SPECC1: variants seen among roughly 807,000 people sequenced by gnomAD.
SPECC1 encodes cytospin-B.
Under a neutral mutation model 104.1 loss-of-function variants are expected in SPECC1, and 62 were observed. The observed-to-expected ratio is 0.60, with a 90% CI of 0.49 to 0.74. SPECC1 has a LOEUF of 0.74. Ranked by LOEUF, SPECC1 falls within the 30% of genes least tolerant of loss-of-function variation. The pLI is 0.00. For synonymous variants in SPECC1, 513 were observed against 501.6 expected (o/e 1.02, Z -0.30); for missense variants, 1,306 against 1,310.5 (o/e 1.00, Z 0.05).
At chr17:20,018,934 G>A (rs1387667734) in intron 1 of SPECC1, among the ~76,000 whole-genome samples, 1 of 152,168 alleles carries the variant, frequency 6.6e-6, no homozygotes, top group Non-Finnish European at 1.5e-5. Context: ...CACGCTACCT[G>A]AAGAAAAGCA....
intron 3 of SPECC1, among the ~76,000 whole-genome samples, chr17:20,150,002 T>C (rs1219476680): frequency 6.6e-6 from 1 of 152,096 alleles, no homozygotes; most frequent in South Asian, 2.1e-4. Context: ...AGATGGAGTC[T>C]CACTCTGTCT....
At chr17:20,232,072 G>A (rs2038617583) in intron 6 of SPECC1, 128 bp from the exon 7 acceptor site, 1 of 1,126,042 alleles carries the variant, frequency 8.9e-7, no homozygotes. Context: ...GAGCCACCGT[G>A]TAAGCAGGGC....
intron 13 of SPECC1, among the ~76,000 whole-genome samples, chr17:20,300,511 C>T (rs1008114159): frequency 7.9e-5 from 12 of 152,250 alleles, no homozygotes; most frequent in Non-Finnish European, 1.0e-4. Flanking sequence ...AGTGTGTGTG[C>T]GTCACTCCCT....
chr17:20,039,946 A>C (rs1042041292), intron 1 of SPECC1, among the ~76,000 whole-genome samples: 2 of 152,160 alleles, frequency 1.3e-5, no homozygotes, highest in Non-Finnish European at 2.9e-5. Context: ...CATTTATGTA[A>C]TTATTGATAA....
At chr17:20,049,492 T>G (rs2045660630) in intron 1 of SPECC1, among the ~76,000 whole-genome samples, 1 of 152,220 alleles carries the variant, frequency 6.6e-6, no homozygotes, top group Non-Finnish European at 1.5e-5. Context: ...GAACTACCTG[T>G]TCATTACCTG....
At chr17:20,099,492 G>A (rs867921284) in intron 2 of SPECC1, among the ~76,000 whole-genome samples, 9 of 129,664 alleles carry the variant, frequency 6.9e-5, no homozygotes, top group Middle Eastern at 4.7e-3. Flanking sequence ...GACCAACATG[G>A]TGAAATCCTG....
chr17:20,281,473 G>A (rs575778727), intron 12 of SPECC1, among the ~76,000 whole-genome samples: 6 of 152,126 alleles, frequency 3.9e-5, no homozygotes, highest in Non-Finnish European at 7.4e-5. Flanking sequence ...GCTTCCCTGC[G>A]GTGTACTCCT....
At chr17:20,153,732 G>A (rs983763541) in intron 3 of SPECC1, among the ~76,000 whole-genome samples, 1 of 152,208 alleles carries the variant, frequency 6.6e-6, no homozygotes, top group Non-Finnish European at 1.5e-5. Flanking sequence ...TTGACTCATT[G>A]ATTTCCAAAA....
intron 3 of SPECC1, among the ~76,000 whole-genome samples, chr17:20,142,113 G>A (rs530209421): frequency 6.6e-6 from 1 of 152,308 alleles, no homozygotes; most frequent in Admixed American, 6.5e-5. Context: ...CTAAGGCATG[G>A]GAAATCTTGT....
chr17:20,021,697 T>C (rs1471393071), intron 1 of SPECC1, among the ~76,000 whole-genome samples: 3 of 112,972 alleles, frequency 2.7e-5, no homozygotes, highest in African/African-American at 4.6e-5. Flanking sequence ...TATATATATA[T>C]ATATATTTTT....
At chr17:20,124,432 G>T (rs1452458363) in intron 3 of SPECC1, among the ~76,000 whole-genome samples, 1 of 152,130 alleles carries the variant, frequency 6.6e-6, no homozygotes, top group Non-Finnish European at 1.5e-5. Flanking sequence ...AGTTCTGAAG[G>T]GCCCTGAAGA....
intron 1 of SPECC1, among the ~76,000 whole-genome samples, chr17:20,041,304 G>A (rs1026246934): frequency 1.3e-5 from 2 of 151,334 alleles, no homozygotes; most frequent in Non-Finnish European, 1.5e-5. Flanking sequence ...GTGCAATGGC[G>A]GGATCTCGGC....
intron 3 of SPECC1, chr17:20,111,702 G>A: frequency 1.6e-6 from 1 of 615,440 alleles, no homozygotes; most frequent in Non-Finnish European, 3.0e-6. Flanking sequence ...AAGCAGGAAG[G>A]TGGCGAAAGG....
intron 1 of SPECC1, among the ~76,000 whole-genome samples, chr17:20,016,900 G>C (rs894427764): frequency 1.3e-5 from 2 of 152,240 alleles, no homozygotes; most frequent in Admixed American, 6.5e-5. Context: ...AGTCTGGTGG[G>C]GACTTGAGAA....
At chr17:20,230,657 A>G (rs1482152277) in intron 5 of SPECC1, among the ~76,000 whole-genome samples, 1 of 152,218 alleles carries the variant, frequency 6.6e-6, no homozygotes, top group Non-Finnish European at 1.5e-5. Flanking sequence ...TGGTTATATC[A>G]TCATATATCC....
intron 3 of SPECC1, among the ~76,000 whole-genome samples, chr17:20,113,626 CAG>C: frequency 6.6e-6 from 1 of 152,160 alleles, no homozygotes. Flanking sequence ...CTGATTGAGA[CAG>C]AGTGGAAAGA....
intron 1 of SPECC1, among the ~76,000 whole-genome samples, chr17:20,031,112 A>G (rs1360713977): frequency 2.0e-5 from 3 of 152,068 alleles, no homozygotes. Context: ...CTCGTGTCTC[A>G]GTCTCACCAG....
At chr17:20,226,846 C>A (rs912610444) in intron 4 of SPECC1, among the ~76,000 whole-genome samples, 5 of 152,144 alleles carry the variant, frequency 3.3e-5, no homozygotes, top group Non-Finnish European at 5.9e-5. Context: ...AGAAGCATTG[C>A]AGCCCCAAGT....
rs1012602569 is a variant in SPECC1 at position 20,315,119 on chromosome 17, G to C, written c.*1054G>C. 1 of 233,002 alleles carries C rather than the reference G, an allele frequency of 4.3e-6. No individual in the cohort carries two copies. Among genetic ancestry groups the C allele is most frequent in the African/African-American group, 2.2e-5 (1 of 45,350 alleles). 14.4% of individuals were successfully genotyped at this position (233,002 alleles called of 1,614,324 possible). The stretch of plus-strand genomic sequence containing the variant: ...TCACATGTGTGAATGGCCTGTGTCT[G>C]CTTTACAGGGTTGAGCAGGCTGAGG... On this transcript the variant is annotated 3_prime_UTR_variant, in exon 15 of 15. Transcript: ENST00000395527.
Sources: allele counts gnomAD v4.1 joint callset (sites outside exome capture counted in the v4.1 genomes callset), GRCh38; gene constraint gnomAD v4.1.1; transcripts MANE v1.5; gene names NCBI Gene and HGNC (gene_info 2026-07-23, HGNC 2026-07-21).